The following DGKH variants were observed in gnomAD, a reference collection of about 807,000 sequenced individuals.
The protein encoded by DGKH is DAG kinase eta.
A neutral mutation model predicts 159.3 loss-of-function variants in DGKH; 90 were observed. The ratio of observed to expected loss-of-function variants is 0.57; its 90% CI spans 0.48 to 0.67. The LOEUF (loss-of-function observed/expected upper bound fraction) is 0.67, where lower values mean the gene tolerates loss of function less well. Ranked by LOEUF, DGKH falls within the 30% of genes least tolerant of loss-of-function variation. The probability of loss-of-function intolerance (pLI) is 0.00; values close to 1 mark genes in which losing one functional copy is unlikely to be tolerated. For missense variants in DGKH, 1,181 were observed against 1,506.1 expected (o/e 0.78, Z 3.57); for synonymous variants, 536 against 553.8 (o/e 0.97, Z 0.45).
intron 3 of DGKH, among the ~76,000 whole-genome samples, chr13:42,145,371 C>T (rs1239800208): frequency 6.6e-6 from 1 of 151,924 alleles, no homozygotes; most frequent in African/African-American, 2.4e-5. Flanking sequence ...TTTATTTTGT[C>T]GGTTGCCACA....
rs973054588 is a variant in DGKH at position 42,234,795 on chromosome 13, G to A, written c.*5607G>A. On this transcript the variant is annotated 3_prime_UTR_variant, in exon 30 of 30. Transcript: ENST00000337343. ...CTGCCCCAGTGCCATGATGTCTGGG[G>A]CTTGTCTCTTCTATGGCATCCCCTG... The A allele has an allele frequency of 8.5e-5, 13 of 152,154 alleles. No homozygotes were observed. The highest frequency in any genetic ancestry group is 3.1e-4 in the African/African-American group (13 of 41,434). 9.4% of individuals were successfully genotyped at this position (152,154 alleles called of 1,614,324 possible).
At chr13:42,196,382 A>G (rs1957204361) in intron 17 of DGKH, among the ~76,000 whole-genome samples, 1 of 152,212 alleles carries the variant, frequency 6.6e-6, no homozygotes, top group Non-Finnish European at 1.5e-5. Context: ...AATAGCCCCA[A>G]AGTGGAAGCA....
At position 42,219,216 on chromosome 13, in the gene DGKH, C is replaced by T. The variant is rs967512373; in HGVS notation, c.3214-14C>T. The T allele has an allele frequency of 6.2e-7, 1 of 1,612,698 alleles. No individual in the cohort carries two copies. Among genetic ancestry groups the T allele is most frequent in the Non-Finnish European group, 8.5e-7 (1 of 1,179,404 alleles). On this transcript the variant is annotated splice_polypyrimidine_tract_variant and intron_variant, in intron 26 of 29. Transcript: ENST00000337343. ...GTCTTGTTTTGTTTTGTCTTTTAAT[C>T]TGCTGGTAAATAGCAGCTGGAATCG...
At chr13:42,139,379 CATAG>C (rs1303102095) in intron 3 of DGKH, among the ~76,000 whole-genome samples, 1 of 152,178 alleles carries the variant, frequency 6.6e-6, no homozygotes, top group Non-Finnish European at 1.5e-5. Context: ...AGTCCCAGGA[CATAG>C]ATCAGTTTCA....
intron 12 of DGKH, among the ~76,000 whole-genome samples, chr13:42,174,417 C>T (rs1224802439): frequency 6.6e-6 from 1 of 152,100 alleles, no homozygotes; most frequent in Non-Finnish European, 1.5e-5. Flanking sequence ...AGTGAGGCTA[C>T]AAAGTCATGG....
chr13:42,084,218 C>T (rs1042645225), intron 1 of DGKH, among the ~76,000 whole-genome samples: 1 of 152,156 alleles, frequency 6.6e-6, no homozygotes, highest in African/African-American at 2.4e-5. Context: ...CTTACAGATG[C>T]TTGCTCCATA....
At chr13:42,256,399 C>T in exon 31 of DGKH, 2 of 1,581,278 alleles carry the variant, frequency 1.3e-6, no homozygotes, top group South Asian at 1.1e-5. Context: ...TAGCGTATGA[C>T]AAGGCAGCAA....
intron 1 of DGKH, among the ~76,000 whole-genome samples, chr13:42,114,404 T>C (rs1954925556): frequency 6.6e-6 from 1 of 151,976 alleles, no homozygotes; most frequent in Admixed American, 6.6e-5. Context: ...TGTTCATTCA[T>C]TCATTTGTTC....
chr13:42,103,420 C>T (rs992503031), intron 1 of DGKH, among the ~76,000 whole-genome samples: 2 of 152,090 alleles, frequency 1.3e-5, no homozygotes, highest in Non-Finnish European at 2.9e-5. Flanking sequence ...TAGGATGCTG[C>T]AGTTAACAAA....
intron 30 of DGKH, among the ~76,000 whole-genome samples, chr13:42,253,497 G>A (rs1047463673): frequency 6.6e-6 from 1 of 152,116 alleles, no homozygotes; most frequent in African/African-American, 2.4e-5. Context: ...TATTTCTTAC[G>A]TATAAACTAG....
intron 30 of DGKH, among the ~76,000 whole-genome samples, chr13:42,252,767 A>G (rs1268471191): frequency 6.7e-6 from 1 of 149,794 alleles, no homozygotes; most frequent in Non-Finnish European, 1.5e-5. Flanking sequence ...TTTTTTTTTG[A>G]GACAGAGTCT....
At chr13:42,041,056 G>A (rs1260639538) in intron 1 of DGKH, among the ~76,000 whole-genome samples, 1 of 151,912 alleles carries the variant, frequency 6.6e-6, no homozygotes, top group Admixed American at 6.5e-5. Context: ...TTCCCAGCCG[G>A]GTTAGCGCTT....
upstream of DGKH, among the ~76,000 whole-genome samples, chr13:42,046,088 C>A (rs558698160): frequency 6.6e-6 from 1 of 152,218 alleles, no homozygotes; most frequent in East Asian, 1.9e-4. Flanking sequence ...ATGTTGAAGT[C>A]TTTAATAGTG....
At chr13:42,215,767 C>A (rs1262861063) in intron 26 of DGKH, 100 bp downstream of exon 26, 3 of 1,061,140 alleles carry the variant, frequency 2.8e-6, no homozygotes, top group South Asian at 1.6e-5. Context: ...AAGGCAGAAG[C>A]AGCCTTCTGG....
At chr13:42,162,683 A>G (rs1179219756) in intron 7 of DGKH, among the ~76,000 whole-genome samples, 1 of 151,936 alleles carries the variant, frequency 6.6e-6, no homozygotes, top group African/African-American at 2.4e-5. Flanking sequence ...AGGTACCTGT[A>G]ATCCCAGCCA....
At chr13:42,166,717 C>G (rs376902506) in intron 9 of DGKH, 43 bp downstream of exon 9, 1 of 1,476,010 alleles carries the variant, frequency 6.8e-7, no homozygotes, top group Admixed American at 2.4e-5. Context: ...CAATGTAGGA[C>G]TAGGTGTTAA....
At chr13:42,082,838 A>T (rs1199418761) in intron 1 of DGKH, among the ~76,000 whole-genome samples, 7 of 152,104 alleles carry the variant, frequency 4.6e-5, no homozygotes, top group Non-Finnish European at 1.0e-4. Flanking sequence ...TTGTTTCCCC[A>T]CTAAAGCCTC....
chr13:42,111,133 A>G (rs1954855904), intron 1 of DGKH, among the ~76,000 whole-genome samples: 1 of 152,168 alleles, frequency 6.6e-6, no homozygotes, highest in Non-Finnish European at 1.5e-5. Context: ...GAGACAGCTT[A>G]ATTTTAGAAA....
In DGKH at chr13:42,041,618, C is replaced by T. The variant is rs138498379; in HGVS notation, c.-13+1492C>T. 6.9e-3 allele frequency among the ~76,000 whole-genome samples: 1,056 copies of T among 152,292 alleles called. 12 individuals carry two copies. Among genetic ancestry groups the T allele is most frequent in the South Asian group, 0.062 (300 of 4,828 alleles). On this transcript the variant is annotated intron_variant, in intron 1 of 29. Transcript: ENST00000379274. Reference sequence around the variant, plus strand: ...GGGGCTTTGGATTTGTTCCCTCAAACTCCCTCAACTTCCTTCTCTCTTCCG... The same window carrying T: ...GGGGCTTTGGATTTGTTCCCTCAAATTCCCTCAACTTCCTTCTCTCTTCCG...
Sources: allele counts gnomAD v4.1 joint callset (sites outside exome capture counted in the v4.1 genomes callset), GRCh38; gene constraint gnomAD v4.1.1; transcripts MANE v1.5; gene names NCBI Gene and HGNC (gene_info 2026-07-23, HGNC 2026-07-21).